Variants in NEGR1 observed in about 807,000 individuals in gnomAD.
NEGR1 encodes the protein IgLON family member 4.
In NEGR1, 10 loss-of-function variants were observed where a neutral mutation model predicts 40.9. That is an observed-to-expected ratio of 0.24 (90% CI 0.15 to 0.42). The LOEUF is 0.42. Among genes scored for constraint, NEGR1 ranks in the 10% least tolerant of loss-of-function variants. The probability of loss-of-function intolerance (pLI) is 1.00; values close to 1 mark genes in which losing one functional copy is unlikely to be tolerated. For missense variants in NEGR1, 352 were observed against 438.9 expected (o/e 0.80, Z 1.77); for synonymous variants, 185 against 166.8 (o/e 1.11, Z -0.84).
intron 1 of NEGR1, among the ~76,000 whole-genome samples, chr1:72,257,251 G>A (rs908881140): frequency 1.3e-5 from 2 of 148,468 alleles, no homozygotes; most frequent in African/African-American, 5.0e-5. Context: ...GAACCCGGGA[G>A]GCGGAGCTTG....
At chr1:71,502,518 T>G (rs952888925) in intron 6 of NEGR1, among the ~76,000 whole-genome samples, 6 of 152,186 alleles carry the variant, frequency 3.9e-5, no homozygotes, top group Non-Finnish European at 8.8e-5. Context: ...GGTGAATATG[T>G]GTTTCTCACA....
chr1:71,493,110 T>C (rs993685561), intron 6 of NEGR1, among the ~76,000 whole-genome samples: 2 of 152,138 alleles, frequency 1.3e-5, no homozygotes, highest in African/African-American at 2.4e-5. Context: ...ATCTGTTTTA[T>C]CCTTCTGTTC....
chr1:71,935,896 T>C (rs1244075315), intron 1 of NEGR1, among the ~76,000 whole-genome samples: 1 of 152,124 alleles, frequency 6.6e-6, no homozygotes, highest in Non-Finnish European at 1.5e-5. Context: ...CCTGTTGGGT[T>C]CAAGCAATTC....
chr1:71,962,895 AAAC>A (rs891203204), intron 1 of NEGR1, among the ~76,000 whole-genome samples: 3 of 151,940 alleles, frequency 2.0e-5, no homozygotes, highest in African/African-American at 7.2e-5. Flanking sequence ...GCAGCATTTT[AAAC>A]AACAACAACA....
At chr1:71,706,167 G>A (rs1653891824) in intron 3 of NEGR1, among the ~76,000 whole-genome samples, 1 of 152,212 alleles carries the variant, frequency 6.6e-6, no homozygotes, top group Non-Finnish European at 1.5e-5. Flanking sequence ...AGCATCTTTG[G>A]ACGCTGGGGG....
intron 6 of NEGR1, among the ~76,000 whole-genome samples, chr1:71,532,341 T>C (rs751883249): frequency 6.6e-6 from 1 of 151,460 alleles, no homozygotes. Flanking sequence ...AATCTGAAAA[T>C]AAAGCCCAAC....
At chr1:71,691,492 TCTCA>T in intron 4 of NEGR1, among the ~76,000 whole-genome samples, 1 of 152,012 alleles carries the variant, frequency 6.6e-6, no homozygotes, top group South Asian at 2.1e-4. Flanking sequence ...TTGGCATTGT[TCTCA>T]CTATTATCGT....
At chr1:71,973,041 A>G (rs1646271133) in intron 1 of NEGR1, among the ~76,000 whole-genome samples, 1 of 152,228 alleles carries the variant, frequency 6.6e-6, no homozygotes. Flanking sequence ...AATATAAATT[A>G]GATCATTTTC....
chr1:71,664,737 T>A (rs11209814), intron 4 of NEGR1, among the ~76,000 whole-genome samples: 68,179 of 150,054 alleles, frequency 0.45, 15,366 homozygotes, highest in Middle Eastern at 0.53. Context: ...GAAAAAAAAA[T>A]ATATATCTCT....
At chr1:72,252,175 G>GGCAATTCTCCTGTCTCAGCCTCC (rs1655124700) in intron 1 of NEGR1, among the ~76,000 whole-genome samples, 1 of 151,264 alleles carries the variant, frequency 6.6e-6, no homozygotes, top group South Asian at 2.1e-4. Flanking sequence ...GGGCGATGTA[G>GGCAATTCTCCTGTCTCAGCCTCC]CTGGGATTAT....
At chr1:72,081,010 A>T (rs1300291431) in intron 1 of NEGR1, among the ~76,000 whole-genome samples, 1 of 152,134 alleles carries the variant, frequency 6.6e-6, no homozygotes, top group East Asian at 1.9e-4. Flanking sequence ...AAAAGGACAG[A>T]AACATAAAAA....
intron 1 of NEGR1, among the ~76,000 whole-genome samples, chr1:72,262,133 G>A (rs548079667): frequency 1.3e-5 from 2 of 151,966 alleles, no homozygotes; most frequent in Non-Finnish European, 2.9e-5. Context: ...ATAACTGGGT[G>A]GCAGGGCCTG....
intron 1 of NEGR1, among the ~76,000 whole-genome samples, chr1:72,023,311 C>T (rs373487963): frequency 3.3e-5 from 5 of 152,134 alleles, no homozygotes; most frequent in African/African-American, 1.2e-4. Context: ...CAAATTAAGC[C>T]CAAATCCTTT....
At chr1:72,095,967 A>C (rs1648681001) in intron 1 of NEGR1, among the ~76,000 whole-genome samples, 1 of 152,138 alleles carries the variant, frequency 6.6e-6, no homozygotes, top group East Asian at 1.9e-4. Context: ...TAGTGGATTA[A>C]ATATTTCCTT....
At chr1:71,645,449 A>T (rs1202004726) in intron 4 of NEGR1, among the ~76,000 whole-genome samples, 1 of 151,960 alleles carries the variant, frequency 6.6e-6, no homozygotes, top group African/African-American at 2.4e-5. Flanking sequence ...ATCAGATACC[A>T]ACATTTGTTC....
intron 1 of NEGR1, among the ~76,000 whole-genome samples, chr1:72,250,115 T>C (rs1655036950): frequency 1.3e-5 from 2 of 152,194 alleles, no homozygotes; most frequent in South Asian, 4.1e-4. Flanking sequence ...GTTCCATCAA[T>C]TGAAGACTAT....
chr1:71,720,769 A>T (rs1465311364), intron 3 of NEGR1, among the ~76,000 whole-genome samples: 2 of 152,194 alleles, frequency 1.3e-5, no homozygotes, highest in African/African-American at 2.4e-5. Context: ...TACTGAATAG[A>T]TGTTTTGATG....
chr1:71,863,731 C>T (rs1252069411), intron 2 of NEGR1, among the ~76,000 whole-genome samples: 2 of 152,130 alleles, frequency 1.3e-5, no homozygotes, highest in Non-Finnish European at 2.9e-5. Flanking sequence ...GATGGCTCCT[C>T]CTCATTTGGG....
intron 4 of NEGR1, among the ~76,000 whole-genome samples, chr1:71,632,700 T>C (rs1651015217): frequency 1.3e-5 from 2 of 151,966 alleles, no homozygotes; most frequent in Admixed American, 1.3e-4. Context: ...TTTTATTCTC[T>C]AAATTACAAA....
Sources: allele counts gnomAD v4.1 joint callset (sites outside exome capture counted in the v4.1 genomes callset), GRCh38; gene constraint gnomAD v4.1.1; transcripts MANE v1.5; gene names NCBI Gene and HGNC (gene_info 2026-07-23, HGNC 2026-07-21).